TULP4: variants seen among roughly 807,000 people sequenced by gnomAD.
TULP4 encodes the protein tubby-related protein 4.
A neutral mutation model predicts 129.0 loss-of-function variants in TULP4; 16 were observed. The ratio of observed to expected loss-of-function variants is 0.12; its 90% CI spans 0.08 to 0.19. The LOEUF is 0.19. TULP4 is among the 10% of genes least tolerant of loss of function. The probability of loss-of-function intolerance (pLI) is 1.00; values close to 1 mark genes in which losing one functional copy is unlikely to be tolerated. For missense variants in TULP4, 1,842 were observed against 2,059.1 expected (o/e 0.89, Z 2.04); for synonymous variants, 998 against 854.0 (o/e 1.17, Z -2.94).
intron 8 of TULP4, among the ~76,000 whole-genome samples, chr6:158,484,533 C>T (rs1780021555): frequency 6.6e-6 from 1 of 152,086 alleles, no homozygotes; most frequent in Non-Finnish European, 1.5e-5. Flanking sequence ...GAAGTCCAGA[C>T]CCCTAGTGTG....
At chr6:158,474,154 T>C (rs983118583) in intron 6 of TULP4, among the ~76,000 whole-genome samples, 4 of 152,268 alleles carry the variant, frequency 2.6e-5, no homozygotes, top group Non-Finnish European at 4.4e-5. Flanking sequence ...ATTTTGCACA[T>C]GTTTGTACAG....
intron 12 of TULP4, among the ~76,000 whole-genome samples, chr6:158,501,273 T>C (rs1039192819): frequency 6.6e-6 from 1 of 152,204 alleles, no homozygotes; most frequent in African/African-American, 2.4e-5. Context: ...TTCAGAGGCC[T>C]AGGCACTGCA....
At chr6:158,364,443 G>T (rs553337756) in intron 1 of TULP4, among the ~76,000 whole-genome samples, 23 of 152,204 alleles carry the variant, frequency 1.5e-4, no homozygotes, top group African/African-American at 5.5e-4. Context: ...TTTTCTAGTA[G>T]TTCTTAGAGT....
At chr6:158,378,451 A>T (rs1777240949) in intron 1 of TULP4, among the ~76,000 whole-genome samples, 1 of 98,508 alleles carries the variant, frequency 1.0e-5, no homozygotes. Flanking sequence ...AGCAGTTAGG[A>T]TGGGGGAGCC....
At chr6:158,450,297 G>A (rs1389039175) in intron 4 of TULP4, among the ~76,000 whole-genome samples, 2 of 152,102 alleles carry the variant, frequency 1.3e-5, no homozygotes, top group African/African-American at 4.8e-5. Flanking sequence ...GCCATTGTGG[G>A]GCATGTCGTC....
chr6:158,328,162 A>G (rs1779793149), intron 1 of TULP4, among the ~76,000 whole-genome samples: 1 of 147,836 alleles, frequency 6.8e-6, no homozygotes. Flanking sequence ...ACCTAGTTAT[A>G]TGAAAGTTGG....
At chr6:158,481,654 T>G in intron 8 of TULP4, 1 of 288,084 alleles carries the variant, frequency 3.5e-6, no homozygotes, top group Non-Finnish European at 6.8e-6. Flanking sequence ...AATAACAAGA[T>G]ACAGTCCCTA....
At chr6:158,365,464 C>CT (rs745788421) in intron 1 of TULP4, among the ~76,000 whole-genome samples, 3 of 107,566 alleles carry the variant, frequency 2.8e-5, no homozygotes, top group African/African-American at 7.1e-5. Context: ...TTCTTTTTTT[C>CT]TTTTTTCTTT....
At chr6:158,326,729 C>A (rs961845555) in intron 1 of TULP4, among the ~76,000 whole-genome samples, 3 of 152,074 alleles carry the variant, frequency 2.0e-5, no homozygotes, top group African/African-American at 7.2e-5. Context: ...GAGCTCAGGC[C>A]CCGGAGCTAG....
intron 3 of TULP4, among the ~76,000 whole-genome samples, chr6:158,443,738 T>C (rs952247516): frequency 2.6e-5 from 4 of 152,046 alleles, no homozygotes; most frequent in Non-Finnish European, 4.4e-5. Context: ...GTGATTGTTA[T>C]AGTCAACTGT....
At chr6:158,280,579 C>G (rs1297292969), upstream of TULP4, among the ~76,000 whole-genome samples, 1 of 152,260 alleles carries the variant, frequency 6.6e-6, no homozygotes, top group Non-Finnish European at 1.5e-5. Flanking sequence ...AAATGAGGCC[C>G]TGCCTCAGTG....
At chr6:158,252,077 T>A (rs9364884) in intron 1 of TULP4, among the ~76,000 whole-genome samples, 23,107 of 152,132 alleles carry the variant, frequency 0.15, 2,420 homozygotes, top group East Asian at 0.43. Context: ...TTTTGAAATG[T>A]GTGAAGCAGT....
intron 3 of TULP4, among the ~76,000 whole-genome samples, chr6:158,435,649 T>G (rs564759541): frequency 6.6e-6 from 1 of 152,154 alleles, no homozygotes. Flanking sequence ...TGTTTGCTGC[T>G]GGCTCCCCAC....
At chr6:158,423,122 AG>A (rs34027309) in intron 2 of TULP4, among the ~76,000 whole-genome samples, 57,088 of 107,614 alleles carry the variant, frequency 0.53, 12,737 homozygotes, top group South Asian at 0.65. Flanking sequence ...CACAAAAAAG[AG>A]GGGGGGGGGG....
intron 1 of TULP4, among the ~76,000 whole-genome samples, chr6:158,326,116 T>C (rs1391537690): frequency 6.6e-6 from 1 of 152,224 alleles, no homozygotes; most frequent in Non-Finnish European, 1.5e-5. Context: ...ATTCAGTGTT[T>C]ACACTGTTTA....
chr6:158,366,505 C>A (rs767359037), intron 1 of TULP4, among the ~76,000 whole-genome samples: 1 of 152,172 alleles, frequency 6.6e-6, no homozygotes, highest in Non-Finnish European at 1.5e-5. Flanking sequence ...GGCCACAGAC[C>A]TCTTTTCAGT....
At chr6:158,235,956 T>A (rs891260550) in intron 1 of TULP4, among the ~76,000 whole-genome samples, 5 of 152,234 alleles carry the variant, frequency 3.3e-5, no homozygotes, top group African/African-American at 1.2e-4. Context: ...AACCAGTACG[T>A]GTGTTAAATC....
chr6:158,480,065 T>C (rs1004917211), intron 7 of TULP4, 90 bp downstream of exon 7: 1 of 1,043,466 alleles, frequency 9.6e-7, no homozygotes, highest in African/African-American at 1.6e-5. Flanking sequence ...GGTACCAGAG[T>C]GAGCACATGG....
At chr6:158,451,086 CAGAAA>C (rs1779154062) in intron 4 of TULP4, among the ~76,000 whole-genome samples, 1 of 151,730 alleles carries the variant, frequency 6.6e-6, no homozygotes, top group Non-Finnish European at 1.5e-5. Flanking sequence ...AAGGAAAAAA[CAGAAA>C]AGAAAAGAAA....
Sources: gnomAD v4.1 joint callset for allele counts (sites outside exome capture counted in the v4.1 genomes callset) on GRCh38, gnomAD v4.1.1 for gene constraint, MANE v1.5 for transcripts, NCBI Gene and HGNC (gene_info 2026-07-23, HGNC 2026-07-21) for gene names.